The following EYS variants were observed in gnomAD, a reference collection of about 807,000 sequenced individuals.
The protein encoded by EYS is EGF-like photoreceptor maintenance factor, also known as protein eyes shut homolog.
EYS carries 250 observed loss-of-function variants against 282.1 expected under a neutral mutation model. The observed-to-expected ratio is 0.89, with a 90% CI of 0.80 to 0.98. The LOEUF (loss-of-function observed/expected upper bound fraction) is 0.98, where lower values mean the gene tolerates loss of function less well. EYS is among the 50% of genes least tolerant of loss of function. The probability of loss-of-function intolerance (pLI) is 0.00; values close to 1 mark genes in which losing one functional copy is unlikely to be tolerated. For synonymous variants in EYS, 1,355 were observed against 1,282.9 expected (o/e 1.06, Z -1.20); for missense variants, 4,016 against 3,709.0 (o/e 1.08, Z -2.15).
intron 12 of EYS, among the ~76,000 whole-genome samples, chr6:65,086,695 T>C (rs977521549): frequency 6.6e-6 from 1 of 152,222 alleles, no homozygotes; most frequent in Non-Finnish European, 1.5e-5. Context: ...AAAAGGTCTG[T>C]CTGCATTATG....
chr6:63,783,085 C>A (rs319922), intron 39 of EYS, among the ~76,000 whole-genome samples: 1 of 151,638 alleles, frequency 6.6e-6, no homozygotes, highest in Non-Finnish European at 1.5e-5. Flanking sequence ...CACAAGAAAC[C>A]GAAAGTACTG....
At chr6:64,050,009 C>T (rs1770754797) in intron 33 of EYS, among the ~76,000 whole-genome samples, 1 of 152,118 alleles carries the variant, frequency 6.6e-6, no homozygotes, top group African/African-American at 2.4e-5. Flanking sequence ...TCTCCTGAAC[C>T]TGTGTAGGCA....
chr6:63,964,717 C>A (rs941173038), intron 35 of EYS, among the ~76,000 whole-genome samples: 1 of 152,148 alleles, frequency 6.6e-6, no homozygotes, highest in Non-Finnish European at 1.5e-5. Flanking sequence ...AAATGCAAGG[C>A]AAATAGAGCA....
In EYS at chr6:65,152,088, A is replaced by G. The variant is rs1008210038; in HGVS notation, c.2024-94361T>C. 6.7e-4 allele frequency among the ~76,000 whole-genome samples: 102 copies of G among 152,084 alleles called. 1 individual carries two copies. Among genetic ancestry groups the G allele is most frequent in the African/African-American group, 2.3e-3 (96 of 41,550 alleles). On this transcript the variant is annotated intron_variant, in intron 12 of 42. Coordinates refer to ENST00000503581, the MANE Select transcript of EYS (RefSeq NM_001142800.2). Reference sequence around the variant, plus strand: ...TTGCAAAAGGCCACGAACCAGCATAATATTTCCTAATGTTGTTCTTCATAG... The same window carrying G: ...TTGCAAAAGGCCACGAACCAGCATAGTATTTCCTAATGTTGTTCTTCATAG...
chr6:65,449,839 C>T (rs9453303), intron 5 of EYS, among the ~76,000 whole-genome samples: 16,309 of 151,878 alleles, frequency 0.11, 1,349 homozygotes, highest in African/African-American at 0.22. Context: ...TTTAGCTGGG[C>T]CTCTCAACTT....
intron 15 of EYS, among the ~76,000 whole-genome samples, chr6:64,940,501 T>C (rs989796927): frequency 2.0e-5 from 3 of 152,094 alleles, no homozygotes; most frequent in Non-Finnish European, 4.4e-5. Context: ...ATTAATATTA[T>C]GTTTTTAGTT....
chr6:65,319,337 A>G (rs1400061988), intron 11 of EYS, among the ~76,000 whole-genome samples: 2 of 151,382 alleles, frequency 1.3e-5, no homozygotes, highest in African/African-American at 2.4e-5. Flanking sequence ...CCAAGATCAC[A>G]TCACCACACT....
At chr6:64,177,332 C>A (rs59716105) in intron 31 of EYS, among the ~76,000 whole-genome samples, 38,052 of 147,370 alleles carry the variant, frequency 0.26, 5,227 homozygotes, top group East Asian at 0.44. Flanking sequence ...ATTTCACACA[C>A]TGTATATATA....
chr6:64,007,128 G>T (rs1768386688), intron 33 of EYS, among the ~76,000 whole-genome samples: 1 of 151,938 alleles, frequency 6.6e-6, no homozygotes, highest in Admixed American at 6.6e-5. Context: ...TTTAGTACTG[G>T]GCTATTTCTG....
intron 23 of EYS, among the ~76,000 whole-genome samples, chr6:64,619,239 T>C (rs983893754): frequency 2.6e-5 from 4 of 152,184 alleles, no homozygotes; most frequent in African/African-American, 9.7e-5. Context: ...CAAAATATAA[T>C]TTAAGCAATT....
chr6:64,730,924 G>C (rs1196755444), intron 22 of EYS: 1 of 152,042 alleles, frequency 6.6e-6, no homozygotes, highest in African/African-American at 2.4e-5. Context: ...TTTGGGGCAG[G>C]CAATTCAATG....
chr6:65,199,284 CAA>C (rs1348313938), intron 12 of EYS, among the ~76,000 whole-genome samples: 1 of 152,066 alleles, frequency 6.6e-6, no homozygotes, highest in Non-Finnish European at 1.5e-5. Flanking sequence ...GCTTCCACTG[CAA>C]AGTCAAAACC....
intron 31 of EYS, among the ~76,000 whole-genome samples, chr6:64,091,517 T>C (rs762503860): frequency 2.0e-5 from 3 of 152,148 alleles, no homozygotes; most frequent in Non-Finnish European, 2.9e-5. Flanking sequence ...CAGAGTTTTA[T>C]TAAGAAAGGG....
intron 33 of EYS, among the ~76,000 whole-genome samples, chr6:64,000,252 C>T (rs1402135720): frequency 1.6e-5 from 2 of 124,534 alleles, no homozygotes; most frequent in Admixed American, 1.0e-4. Context: ...AGTGCAGTGG[C>T]GCGATCTCGG....
intron 12 of EYS, among the ~76,000 whole-genome samples, chr6:65,077,996 A>C (rs1298591974): frequency 6.6e-6 from 1 of 152,132 alleles, no homozygotes; most frequent in African/African-American, 2.4e-5. Flanking sequence ...AAATTATGCC[A>C]TCAGAATTCC....
rs150891020 is a variant in EYS at position 65,584,640 on chromosome 6, C to T, written c.-333+55138G>A. Among the ~76,000 whole-genome samples the T allele has an allele frequency of 4.5e-3, 686 of 151,924 alleles. 3 individuals carry two copies. The highest frequency in any genetic ancestry group is 0.016 in the African/African-American group (656 of 41,498). Reference sequence around the variant, plus strand: ...TTTCTTTGAAAATACTACGCTAAGGCTAATCTTTCACTTTTCAATGTGGAG... The same window carrying T: ...TTTCTTTGAAAATACTACGCTAAGGTTAATCTTTCACTTTTCAATGTGGAG... On this transcript the variant is annotated intron_variant, in intron 2 of 42. Coordinates refer to ENST00000503581, the MANE Select transcript of EYS (RefSeq NM_001142800.2).
chr6:65,630,336 C>T (rs1477972950), intron 2 of EYS, among the ~76,000 whole-genome samples: 1 of 152,186 alleles, frequency 6.6e-6, no homozygotes, highest in Non-Finnish European at 1.5e-5. Flanking sequence ...ACTAAGATTG[C>T]TTGGGACTTT....
intron 26 of EYS, among the ~76,000 whole-genome samples, chr6:64,443,360 G>C (rs190406955): frequency 2.0e-5 from 3 of 152,270 alleles, no homozygotes; most frequent in Admixed American, 6.5e-5. Flanking sequence ...GCTCATAGTG[G>C]GGAGGGACTT....
At chr6:63,919,889 T>A (rs1015951406) in intron 35 of EYS, among the ~76,000 whole-genome samples, 4 of 152,248 alleles carry the variant, frequency 2.6e-5, no homozygotes, top group Non-Finnish European at 4.4e-5. Context: ...CACATTCCCA[T>A]GAAACATGTG....
Sources: allele counts gnomAD v4.1 joint callset (sites outside exome capture counted in the v4.1 genomes callset), GRCh38; gene constraint gnomAD v4.1.1; transcripts MANE v1.5; gene names NCBI Gene and HGNC (gene_info 2026-07-23, HGNC 2026-07-21).